The following C12orf56 variants were observed in gnomAD, a reference collection of about 807,000 sequenced individuals.
C12orf56 encodes chromosome 12 open reading frame 56, also known as uncharacterized protein C12orf56.
C12orf56 carries 71 observed loss-of-function variants against 69.9 expected under a neutral mutation model. The ratio of observed to expected loss-of-function variants is 1.02; its 90% CI spans 0.84 to 1.24. The LOEUF is 1.24. C12orf56 is among the 50% of genes most tolerant of loss of function. The pLI is 0.00. For synonymous variants in C12orf56, 276 were observed against 274.1 expected (o/e 1.01, Z -0.07); for missense variants, 732 against 738.5 (o/e 0.99, Z 0.10).
Position 64,380,104 on chromosome 12 carries a change from CAAAAAAAAAAAAAAAAAAAA to C in C12orf56, c.252+10190_252+10209del. On this transcript the variant is annotated intron_variant, in intron 1 of 12. Transcript: ENST00000543942. ...TGGGCGACAGAGCAAGACTCCGTCGCAAAAAAAAAAAAAAAAAAAAAAAAAAAAAACAAAACAAACAAAAA... is the reference window on the plus strand; with the variant it reads ...TGGGCGACAGAGCAAGACTCCGTCGCAAAAAAAAAACAAAACAAACAAAAA... Among the ~76,000 whole-genome samples, 4 of 49,980 alleles carry C rather than the reference CAAAAAAAAAAAAAAAAAAAA, an allele frequency of 8.0e-5. 1 individual carries two copies. In the Middle Eastern group the frequency reaches 0.069, roughly 862 times the overall value. The allele number at this position is 49,980 out of a possible 152,430, so 32.8% of individuals were successfully genotyped here. A position where few individuals can be genotyped will look rare whatever the true frequency, so the allele number is the denominator to read the frequency against.
chr12:64,376,468 G>A (rs748203554), intron 1 of C12orf56, among the ~76,000 whole-genome samples: 23 of 152,158 alleles, frequency 1.5e-4, no homozygotes, highest in Non-Finnish European at 3.1e-4. Context: ...TCCACGGTCC[G>A]AAACAGCAAT....
At chr12:64,271,706 AT>A (rs1291096137) in intron 11 of C12orf56, among the ~76,000 whole-genome samples, 1 of 152,188 alleles carries the variant, frequency 6.6e-6, no homozygotes, top group Non-Finnish European at 1.5e-5. Context: ...TTATATATAT[AT>A]TGATTAAACA....
intron 10 of C12orf56, 39 bp from the exon 11 acceptor site, chr12:64,275,014 A>G (rs1565733909): frequency 6.7e-7 from 1 of 1,496,558 alleles, no homozygotes; most frequent in East Asian, 2.3e-5. Flanking sequence ...ATATTCATAA[A>G]GTTCAAGTAG....
At chr12:64,374,064 G>A (rs1356185441) in intron 1 of C12orf56, among the ~76,000 whole-genome samples, 2 of 152,072 alleles carry the variant, frequency 1.3e-5, no homozygotes, top group East Asian at 1.9e-4. Context: ...CTGGGCTTTA[G>A]TGTACCAATC....
intron 6 of C12orf56, among the ~76,000 whole-genome samples, chr12:64,295,314 A>G (rs893709654): frequency 2.6e-5 from 4 of 152,340 alleles, no homozygotes; most frequent in Admixed American, 2.0e-4. Context: ...TGTTGAGCGA[A>G]ACAGACAGAC....
chr12:64,324,097 A>G (rs1865802), intron 3 of C12orf56, among the ~76,000 whole-genome samples: 62,686 of 152,092 alleles, frequency 0.41, 12,991 homozygotes, highest in African/African-American at 0.42. Flanking sequence ...CTGTCCAAAC[A>G]TGGTTTATTA....
chr12:64,321,509 T>A (rs2038772661), intron 3 of C12orf56, among the ~76,000 whole-genome samples: 1 of 152,060 alleles, frequency 6.6e-6, no homozygotes, highest in Non-Finnish European at 1.5e-5. Context: ...AACTTAAAAA[T>A]TTTTTGTAGA....
intron 3 of C12orf56, 112 bp from the exon 4 acceptor site, chr12:64,319,092 T>C (rs2038734687): frequency 6.4e-6 from 7 of 1,092,878 alleles, no homozygotes; most frequent in Non-Finnish European, 8.6e-6. Context: ...AAGGAATGCT[T>C]GTTAAAACAA....
chr12:64,353,113 G>T, intron 1 of C12orf56, 57 bp from the exon 2 acceptor site: 1 of 1,530,742 alleles, frequency 6.5e-7, no homozygotes. Flanking sequence ...TACCTATTTT[G>T]GTATAATAAA....
At chr12:64,372,377 A>G (rs1473801893) in intron 1 of C12orf56, among the ~76,000 whole-genome samples, 2 of 152,232 alleles carry the variant, frequency 1.3e-5, no homozygotes, top group South Asian at 4.1e-4. Flanking sequence ...TTTTTTGATC[A>G]TTTAAATTTG....
chr12:64,298,520 T>C (rs188765141), intron 6 of C12orf56, among the ~76,000 whole-genome samples: 2 of 152,284 alleles, frequency 1.3e-5, no homozygotes, highest in East Asian at 1.9e-4. Flanking sequence ...TTAGGTCTTA[T>C]GTTTAAGTCT....
At chr12:64,274,553 A>G (rs2038027090) in intron 11 of C12orf56, among the ~76,000 whole-genome samples, 1 of 152,188 alleles carries the variant, frequency 6.6e-6, no homozygotes, top group Non-Finnish European at 1.5e-5. Flanking sequence ...GGGACAGAGC[A>G]CACAAATGAT....
chr12:64,373,978 CAAA>C (rs2039607328), intron 1 of C12orf56, among the ~76,000 whole-genome samples: 1 of 152,150 alleles, frequency 6.6e-6, no homozygotes, highest in South Asian at 2.1e-4. Flanking sequence ...TGGAACTTGG[CAAA>C]CCCTCTCATT....
intron 1 of C12orf56, among the ~76,000 whole-genome samples, chr12:64,378,154 C>T (rs2039665752): frequency 6.6e-6 from 1 of 152,220 alleles, no homozygotes; most frequent in Non-Finnish European, 1.5e-5. Context: ...TTAAGTACTG[C>T]TCACAAATAT....
chr12:64,349,747 G>T (rs926516702), intron 2 of C12orf56, among the ~76,000 whole-genome samples: 1 of 152,146 alleles, frequency 6.6e-6, no homozygotes, highest in Non-Finnish European at 1.5e-5. Flanking sequence ...AGCAAACATT[G>T]TACATTTTCA....
intron 7 of C12orf56, among the ~76,000 whole-genome samples, chr12:64,285,246 A>G (rs909547739): frequency 6.6e-6 from 1 of 152,130 alleles, no homozygotes; most frequent in African/African-American, 2.4e-5. Flanking sequence ...GTACTAAATC[A>G]TTTTATATGT....
At chr12:64,347,960 GT>G (rs2039169402) in intron 2 of C12orf56, among the ~76,000 whole-genome samples, 1 of 152,164 alleles carries the variant, frequency 6.6e-6, no homozygotes, top group Admixed American at 6.5e-5. Context: ...AATTCTGTGT[GT>G]GAACAGATTA....
intron 3 of C12orf56, among the ~76,000 whole-genome samples, chr12:64,326,578 T>A (rs2038843597): frequency 1.3e-5 from 2 of 151,612 alleles, no homozygotes; most frequent in African/African-American, 4.8e-5. Flanking sequence ...CTACTAAAAA[T>A]ACAAAAAAAT....
rs752756817 is a variant in C12orf56 at position 64,386,398 on chromosome 12, A to ATATATTTT, written c.252+3915_252+3916insAAAATATA. ...CTGGCTAATTTTTATATATATATAT[A>ATATATTTT]TTTTTTTTTTTTTTTGAGACGGAGT... On this transcript the variant is annotated intron_variant, in intron 1 of 12. Transcript: ENST00000543942. Among the ~76,000 whole-genome samples, 47 of 87,350 alleles carry ATATATTTT rather than the reference A, an allele frequency of 5.4e-4. No homozygotes were observed. The East Asian group carries it at 9.6e-3, about 18-fold the overall frequency. The allele number at this position is 87,350 out of a possible 152,430, so 57.3% of individuals were successfully genotyped here. A position where few individuals can be genotyped will look rare whatever the true frequency, so the allele number is the denominator to read the frequency against.
Sources: allele counts gnomAD v4.1 joint callset (sites outside exome capture counted in the v4.1 genomes callset), GRCh38; gene constraint gnomAD v4.1.1; transcripts MANE v1.5; gene names NCBI Gene and HGNC (gene_info 2026-07-23, HGNC 2026-07-21).